PROX2: variants seen among roughly 807,000 people sequenced by gnomAD.
PROX2 encodes the protein prospero homeobox 2.
PROX2 carries 46 observed loss-of-function variants against 48.9 expected under a neutral mutation model. The observed-to-expected ratio is 0.94, with a 90% CI of 0.74 to 1.20. The LOEUF is 1.20. Ranked by LOEUF, PROX2 falls within the 50% of genes most tolerant of loss-of-function variation. The pLI is 0.00. For missense variants in PROX2, 663 were observed against 719.4 expected (o/e 0.92, Z 0.90); for synonymous variants, 260 against 276.6 (o/e 0.94, Z 0.60).
chr14:74,859,145 T>A (rs1838732112), intron 3 of PROX2: 1 of 152,226 alleles, frequency 6.6e-6, no homozygotes, highest in Non-Finnish European at 1.5e-5. Flanking sequence ...GGTTGGGTGG[T>A]ACCCACTCTC....
rs1337302565 is a variant in PROX2, at chr14:74,861,127, G to A, written c.1305+1403C>T. On this transcript the variant is annotated intron_variant, in intron 3 of 5. Transcript: ENST00000556489. ...TCATGGCATTTAGGACACAAAGGCA[G>A]GTTCTGGCATGGTAATGAGCTGGTC... 3 of 1,001,224 alleles carry A rather than the reference G, an allele frequency of 3.0e-6. No individual in the cohort carries two copies. In the African/African-American group the frequency reaches 4.9e-5, roughly 17 times the overall value. 62.0% of individuals were successfully genotyped at this position (1,001,224 alleles called of 1,614,324 possible). A position where few individuals can be genotyped will look rare whatever the true frequency, so the allele number is the denominator to read the frequency against.
intron 5 of PROX2, 70 bp downstream of exon 5, chr14:74,856,731 T>C: frequency 7.2e-7 from 1 of 1,386,950 alleles, no homozygotes; most frequent in East Asian, 2.3e-5. Flanking sequence ...AAGAGGGATC[T>C]TTCCTAAAAC....
At chr14:74,873,361 G>A (rs1883262305) in intron 1 of PROX2, among the ~76,000 whole-genome samples, 1 of 152,160 alleles carries the variant, frequency 6.6e-6, no homozygotes, top group African/African-American at 2.4e-5. Context: ...CTGTAAAATG[G>A]GGTTGATAAC....
intron 4 of PROX2, chr14:74,858,104 T>C: frequency 4.2e-6 from 1 of 240,160 alleles, no homozygotes. Context: ...GGCAGAAAAC[T>C]AGCCAAAAAG....
chr14:74,858,884 G>T (rs1422396441), intron 3 of PROX2: 1 of 158,630 alleles, frequency 6.3e-6, no homozygotes, highest in African/African-American at 2.8e-5. Context: ...GTGTGTGTGT[G>T]TGGTGTCCAA....
intron 1 of PROX2, among the ~76,000 whole-genome samples, chr14:74,874,451 C>T (rs1883291391): frequency 6.6e-6 from 1 of 151,568 alleles, no homozygotes; most frequent in Admixed American, 6.6e-5. Context: ...CAGGGTTTCA[C>T]CATCTTGGCC....
Position 74,855,318 on chromosome 14 carries a change from G to A in PROX2, c.1609-16C>T. 6.6e-7 allele frequency: 1 copy of A among 1,525,296 alleles called. No individual in the cohort carries two copies. The highest frequency in any genetic ancestry group is 8.9e-7 in the Non-Finnish European group (1 of 1,126,448). 94.5% of individuals were successfully genotyped at this position (1,525,296 alleles called of 1,614,324 possible). On this transcript the variant is annotated splice_polypyrimidine_tract_variant and intron_variant, in intron 5 of 5. Transcript: ENST00000556489. ...AATCTGGAACCTGCATTTCCAAAGAGACCCACAAGAAAGAAAAGACGTGAG... is the reference window on the plus strand; with the variant it reads ...AATCTGGAACCTGCATTTCCAAAGAAACCCACAAGAAAGAAAAGACGTGAG...
At chr14:74,870,484 GAGAA>G (rs1477732724) in intron 2 of PROX2, among the ~76,000 whole-genome samples, 2 of 103,608 alleles carry the variant, frequency 1.9e-5, no homozygotes, top group African/African-American at 1.0e-4. Flanking sequence ...ATACATTATA[GAGAA>G]ATAAATACAT....
intron 1 of PROX2, among the ~76,000 whole-genome samples, chr14:74,872,333 C>T (rs984091554): frequency 2.6e-5 from 4 of 152,158 alleles, no homozygotes; most frequent in Admixed American, 2.0e-4. Flanking sequence ...TTTGTTCATT[C>T]ATTTCCTAGA....
intron 4 of PROX2, 50 bp from the exon 5 acceptor site, chr14:74,857,045 A>C: frequency 6.6e-7 from 1 of 1,514,514 alleles, no homozygotes; most frequent in Non-Finnish European, 9.2e-7. Flanking sequence ...CGAGGTGCTC[A>C]GAATTAGAAC....
At chr14:74,864,290 G>A (rs943719820) in intron 2 of PROX2, among the ~76,000 whole-genome samples, 3 of 151,068 alleles carry the variant, frequency 2.0e-5, no homozygotes, top group African/African-American at 7.4e-5. Flanking sequence ...TAATAATATC[G>A]TAGTGGCAGC....
chr14:74,872,318 A>C (rs1360878030), intron 1 of PROX2, among the ~76,000 whole-genome samples: 1 of 152,174 alleles, frequency 6.6e-6, no homozygotes, highest in Non-Finnish European at 1.5e-5. Flanking sequence ...TTTTCTTTGC[A>C]GTATTTTGTT....
Position 74,862,587 on chromosome 14 carries a change from C to T in PROX2, c.1248G>A (p.Lys416=). ...LESLPLLPSV[K]MEQRGLHAVM... is the part of the protein sequence containing the mutation. ...CAGCATGCAGGCCTCTCTGTTCCAT[C>T]TTCACCGAGGGAAGAAGGGGTAGAC... is the stretch of plus-strand genomic sequence containing the variant. The change falls in exon 3 of 6, where the codon AAG becomes AAA. Residue 416 remains lysine (K), a synonymous_variant. Transcript: ENST00000556489. 6.2e-7 allele frequency: 1 copy of T among 1,613,986 alleles called. No homozygotes were observed. Among genetic ancestry groups the T allele is most frequent in the Non-Finnish European group, 8.5e-7 (1 of 1,179,888 alleles).
Position 74,854,707 on chromosome 14 carries a change from A to G in PROX2, c.*425T>C, listed in dbSNP as rs895071254. On this transcript the variant is annotated 3_prime_UTR_variant, in exon 6 of 6. Coordinates refer to ENST00000556489, the MANE Select transcript of PROX2 (RefSeq NM_001243007.2). ...AAACAGCAATTTGTAAAAACCCCAA[A>G]TAAGATAACCTTATCTGAAAGAGGG... 1.1e-4 allele frequency: 17 copies of G among 154,934 alleles called. No homozygotes were observed. Among genetic ancestry groups the G allele is most frequent in the African/African-American group, 3.4e-4 (14 of 41,562 alleles). The allele number at this position is 154,934 out of a possible 1,614,324, so 9.6% of individuals were successfully genotyped here.
At chr14:74,864,091 G>A (rs2091824012) in intron 2 of PROX2, 83 bp from the exon 3 acceptor site, 1 of 299,672 alleles carries the variant, frequency 3.3e-6, no homozygotes, top group African/African-American at 2.2e-5. Flanking sequence ...ATTCAACGCG[G>A]TCTCGTTAAA....
chr14:74,863,050 C>T lies in PROX2; in HGVS notation c.785G>A (p.Gly262Glu), dbSNP rs754116191. The change falls in exon 3 of 6, where the codon GGG (glycine) becomes GAG (glutamate). Residue 262 changes from glycine to glutamate, a missense_variant. Physicochemically the swap from Gly to Glu is moderately conservative, Grantham distance 98 (BLOSUM62 -2). Transcript: ENST00000556489. ...CTCGCTTCTACCCTCTGCCACCTGC[C>T]CCTGGAAGCTTCTGCCCAGCTGAGT... ...HLTQLGRSFQ[G>E]QVAEGRSEPS... The T allele has an allele frequency of 5.6e-6, 9 of 1,613,748 alleles. No individual in the cohort carries two copies. The highest frequency in any genetic ancestry group is 5.9e-6 in the Non-Finnish European group (7 of 1,179,810).
intron 2 of PROX2, among the ~76,000 whole-genome samples, chr14:74,866,215 A>G (rs1883058960): frequency 6.6e-6 from 1 of 152,174 alleles, no homozygotes; most frequent in African/African-American, 2.4e-5. Flanking sequence ...CCAAGATCAC[A>G]CCACTGCACT....
intron 3 of PROX2, 46 bp downstream of exon 3, chr14:74,862,484 C>T (rs1390451681): frequency 6.4e-7 from 1 of 1,569,926 alleles, no homozygotes; most frequent in African/African-American, 1.3e-5. Context: ...ATGAGCCACA[C>T]TGCACCTGGC....
chr14:74,872,596 G>A (rs1228615288), intron 1 of PROX2, among the ~76,000 whole-genome samples: 1 of 152,214 alleles, frequency 6.6e-6, no homozygotes, highest in African/African-American at 2.4e-5. Flanking sequence ...GCCAGACAGA[G>A]CTAACTTTTG....
Sources: gnomAD v4.1 joint callset for allele counts (sites outside exome capture counted in the v4.1 genomes callset) on GRCh38, gnomAD v4.1.1 for gene constraint, MANE v1.5 for transcripts, NCBI Gene and HGNC (gene_info 2026-07-23, HGNC 2026-07-21) for gene names.